STMN2: variants seen among roughly 807,000 people sequenced by gnomAD.
STMN2 encodes the protein stathmin-2.
Under a neutral mutation model 24.1 loss-of-function variants are expected in STMN2, and 2 were observed. That is an observed-to-expected ratio of 0.08 (90% confidence interval 0.03 to 0.26). STMN2 has a LOEUF of 0.26. STMN2 is among the 10% of genes least tolerant of loss of function. The pLI is 1.00. For missense variants in STMN2, 114 were observed against 213.6 expected (o/e 0.53, Z 2.91); for synonymous variants, 83 against 77.5 (o/e 1.07, Z -0.37).
At chr8:79,624,965 T>C (rs1308287945) in intron 1 of STMN2, among the ~76,000 whole-genome samples, 1 of 151,444 alleles carries the variant, frequency 6.6e-6, no homozygotes, top group Non-Finnish European at 1.5e-5. Flanking sequence ...ACAAGTCACA[T>C]GTCCCACGCA....
intron 1 of STMN2, among the ~76,000 whole-genome samples, chr8:79,625,929 A>G (rs1265347692): frequency 6.6e-6 from 1 of 152,228 alleles, no homozygotes; most frequent in Non-Finnish European, 1.5e-5. Context: ...ACTGCACTCC[A>G]GCCTGGGCAA....
At chr8:79,652,718 C>A (rs76465273) in intron 3 of STMN2, among the ~76,000 whole-genome samples, 1 of 152,010 alleles carries the variant, frequency 6.6e-6, no homozygotes, top group African/African-American at 2.4e-5. Flanking sequence ...ACCTTGCAAA[C>A]ATTATTTTGT....
At chr8:79,624,908 T>C (rs1207696116) in intron 1 of STMN2, among the ~76,000 whole-genome samples, 1 of 152,228 alleles carries the variant, frequency 6.6e-6, no homozygotes, top group Non-Finnish European at 1.5e-5. Context: ...ATATTTGTTA[T>C]CATATCCCTT....
intron 1 of STMN2, among the ~76,000 whole-genome samples, chr8:79,617,192 G>A (rs1809401512): frequency 1.3e-5 from 2 of 152,006 alleles, no homozygotes; most frequent in Admixed American, 1.3e-4. Context: ...GCCAATAAAG[G>A]ATCTTCATTA....
At position 79,655,070 on chromosome 8, in the gene STMN2, C is replaced by T; in HGVS notation, c.480+8C>T. On this transcript the variant is annotated splice_region_variant and intron_variant, in intron 4 of 4. Coordinates refer to ENST00000220876, the MANE Select transcript of STMN2 (RefSeq NM_007029.4). ...GAACGTCTGCAGGAAAAGGTAATCT[C>T]AGCAGAGTCCTGAGCAGATGGATAT... 6.2e-7 allele frequency: 1 copy of T among 1,613,654 alleles called. No homozygotes were observed. Among genetic ancestry groups the T allele is most frequent in the Non-Finnish European group, 8.5e-7 (1 of 1,179,712 alleles).
At chr8:79,630,039 C>G (rs1809762545) in intron 1 of STMN2, among the ~76,000 whole-genome samples, 3 of 152,140 alleles carry the variant, frequency 2.0e-5, no homozygotes, top group Admixed American at 1.3e-4. Context: ...CATGATATAA[C>G]TAATAGGTTT....
intron 2 of STMN2, among the ~76,000 whole-genome samples, chr8:79,639,291 G>A (rs1810039019): frequency 1.3e-5 from 2 of 152,220 alleles, no homozygotes; most frequent in South Asian, 4.1e-4. Flanking sequence ...ACTTGAAGAT[G>A]TTTAGCCTGG....
At chr8:79,615,770 A>C (rs936044840) in intron 1 of STMN2, among the ~76,000 whole-genome samples, 1 of 152,236 alleles carries the variant, frequency 6.6e-6, no homozygotes, top group African/African-American at 2.4e-5. Context: ...GAGCTTGTAC[A>C]ATTTTCAAGG....
chr8:79,622,932 C>T lies in STMN2; in HGVS notation c.19+11718C>T, dbSNP rs149037392. 2.7e-3 allele frequency among the ~76,000 whole-genome samples: 418 copies of T among 152,256 alleles called. 4 individuals carry two copies. Among genetic ancestry groups the T allele is most frequent in the Middle Eastern group, 0.01 (3 of 294 alleles). ...CAATCCATCAGTTTCACTCCCACTC[C>T]GTATCACCTGACTGTGCACAATATC... On this transcript the variant is annotated intron_variant, in intron 1 of 4. Coordinates refer to ENST00000220876, the MANE Select transcript of STMN2 (RefSeq NM_007029.4).
At chr8:79,628,620 T>A (rs1809721037) in intron 1 of STMN2, among the ~76,000 whole-genome samples, 1 of 152,212 alleles carries the variant, frequency 6.6e-6, no homozygotes, top group Non-Finnish European at 1.5e-5. Flanking sequence ...AGATAATATC[T>A]CATTGTGGTT....
chr8:79,647,522 G>T (rs759825496), intron 3 of STMN2, among the ~76,000 whole-genome samples: 1 of 152,138 alleles, frequency 6.6e-6, no homozygotes, highest in East Asian at 1.9e-4. Flanking sequence ...CAGAGGCATC[G>T]CCACTTGGGC....
chr8:79,640,734 A>C (rs1271444707), intron 2 of STMN2, among the ~76,000 whole-genome samples: 1 of 152,210 alleles, frequency 6.6e-6, no homozygotes, highest in East Asian at 1.9e-4. Context: ...TGATGACTGG[A>C]AGCAATGAAC....
intron 3 of STMN2, 121 bp downstream of exon 3, chr8:79,641,671 C>CAA: frequency 1.3e-6 from 1 of 743,088 alleles, no homozygotes; most frequent in South Asian, 2.3e-5. Flanking sequence ...CACACACACA[C>CAA]ATACAGAGAG....
chr8:79,664,941 C>A lies in STMN2; in HGVS notation c.*67C>A, dbSNP rs940552573. ...CCTGCCTATATTATAATGGATCATGCGATATCAGGATGGGGAATGTATGAC... is the reference window on the plus strand; with the variant it reads ...CCTGCCTATATTATAATGGATCATGAGATATCAGGATGGGGAATGTATGAC... On this transcript the variant is annotated 3_prime_UTR_variant, in exon 5 of 5. Coordinates refer to ENST00000220876, the MANE Select transcript of STMN2 (RefSeq NM_007029.4). 2 of 1,407,870 alleles carry A rather than the reference C, an allele frequency of 1.4e-6. No homozygotes were observed. Among genetic ancestry groups the A allele is most frequent in the Non-Finnish European group, 1.9e-6 (2 of 1,030,508 alleles). 87.2% of individuals were successfully genotyped at this position (1,407,870 alleles called of 1,614,324 possible). A position where few individuals can be genotyped will look rare whatever the true frequency, so the allele number is the denominator to read the frequency against.
At chr8:79,659,837 T>C (rs1268003854) in intron 4 of STMN2, among the ~76,000 whole-genome samples, 1 of 151,872 alleles carries the variant, frequency 6.6e-6, no homozygotes, top group Admixed American at 6.6e-5. Flanking sequence ...TTAATTTCTT[T>C]AAAATTGAGT....
intron 1 of STMN2, among the ~76,000 whole-genome samples, chr8:79,619,817 G>A (rs1042917794): frequency 6.6e-6 from 1 of 151,914 alleles, no homozygotes; most frequent in East Asian, 1.9e-4. Flanking sequence ...AGTTGTTCTA[G>A]TCTTTTAATG....
At chr8:79,625,342 G>A (rs1476717452) in intron 1 of STMN2, among the ~76,000 whole-genome samples, 2 of 152,088 alleles carry the variant, frequency 1.3e-5, no homozygotes, top group Admixed American at 1.3e-4. Context: ...TACTTACTGA[G>A]TCAAGTACTG....
chr8:79,619,061 C>A (rs1196781569), intron 1 of STMN2, among the ~76,000 whole-genome samples: 1 of 151,098 alleles, frequency 6.6e-6, no homozygotes, highest in Non-Finnish European at 1.5e-5. Flanking sequence ...TTGCCTAGGA[C>A]TGAATGATTT....
chr8:79,613,407 C>T, intron 1 of STMN2: 2 of 985,454 alleles, frequency 2.0e-6, no homozygotes, highest in Non-Finnish European at 1.2e-6. Context: ...CTCGCCCCCG[C>T]GGTGCAGCCG....
Sources: gnomAD v4.1 joint callset for allele counts (sites outside exome capture counted in the v4.1 genomes callset) on GRCh38, gnomAD v4.1.1 for gene constraint, MANE v1.5 for transcripts, NCBI Gene and HGNC (gene_info 2026-07-23, HGNC 2026-07-21) for gene names.